The following GCN1 variants were observed in gnomAD, a reference collection of about 807,000 sequenced individuals.
GCN1 encodes GCN1 activator of EIF2AK4.
A neutral mutation model predicts 288.4 loss-of-function variants in GCN1; 90 were observed. The ratio of observed to expected loss-of-function variants is 0.31; its 90% CI spans 0.26 to 0.37. GCN1 has a LOEUF of 0.37. Among genes scored for constraint, GCN1 ranks in the 10% least tolerant of loss-of-function variants. The probability of loss-of-function intolerance (pLI) is 1.00; values close to 1 mark genes in which losing one functional copy is unlikely to be tolerated. For missense variants in GCN1, 2,586 were observed against 3,419.9 expected (o/e 0.76, Z 6.08); for synonymous variants, 1,386 against 1,420.2 (o/e 0.98, Z 0.54).
rs1721556687 is a variant in GCN1, at chr12:120,134,159, G to C, written c.7317+132C>G. On this transcript the variant is annotated intron_variant, in intron 53 of 57. Transcript: ENST00000300648. The surrounding 1 kb of genome is among the most constrained non-coding windows in gnomAD (Gnocchi z 5.0). ...AGGAAATGTTGGTGAAGCATACAGGGTGATAGAAATGTCAGGAATGCTTAT... is the reference window on the plus strand; with the variant it reads ...AGGAAATGTTGGTGAAGCATACAGGCTGATAGAAATGTCAGGAATGCTTAT... 1.6e-6 allele frequency: 1 copy of C among 638,542 alleles called. No individual in the cohort carries two copies. The highest frequency in any genetic ancestry group is 1.8e-5 in the African/African-American group (1 of 55,458). 39.6% of individuals were successfully genotyped at this position (638,542 alleles called of 1,614,324 possible). A position where few individuals can be genotyped will look rare whatever the true frequency, so the allele number is the denominator to read the frequency against.
At position 120,178,899 on chromosome 12, in the gene GCN1, G is replaced by T. The variant is rs779134603; in HGVS notation, c.478C>A (p.His160Asn). ...TTCTTCACAGCACCATCCACGGCGT[G>T]CTTGTGGGAGCCACCCAGCACCTCC... ...LLEVLGGSHK[H>N]AVDGAVKKLT... Residue 160 changes from histidine to asparagine, a missense_variant, in exon 6 of 58, where the codon CAC becomes AAC. By Grantham distance (68) the His-to-Asn change is moderately conservative. Coordinates refer to ENST00000300648, the MANE Select transcript of GCN1 (RefSeq NM_006836.2). 1.2e-6 allele frequency: 2 copies of T among 1,614,074 alleles called. No homozygotes were observed. The highest frequency in any genetic ancestry group is 2.2e-5 in the South Asian group (2 of 91,068).
Position 120,175,184 on chromosome 12 carries a change from G to C in GCN1, c.1071C>G (p.Ala357=). 6.2e-7 allele frequency: 1 copy of C among 1,611,082 alleles called. No homozygotes were observed. Among genetic ancestry groups the C allele is most frequent in the Non-Finnish European group, 8.5e-7 (1 of 1,178,328 alleles). ...GGSEGKLTVV[A]QKMSVLSGIG... is the part of the protein sequence containing the mutation. ...TACCTGAGAGGACGCTCATCTTCTG[G>C]GCTACAACAGTTAGTTTTCCTTCCG... The change falls in exon 12 of 58, where the codon GCC becomes GCG. Residue 357 remains alanine, a synonymous_variant. Coordinates refer to ENST00000300648, the MANE Select transcript of GCN1 (RefSeq NM_006836.2).
Position 120,142,981 on chromosome 12 carries a change from G to T in GCN1, c.5496-40C>A. 1 of 1,245,426 alleles carries T rather than the reference G, an allele frequency of 8.0e-7. No homozygotes were observed. Among genetic ancestry groups the T allele is most frequent in the Non-Finnish European group, 1.2e-6 (1 of 843,908 alleles). 77.1% of individuals were successfully genotyped at this position (1,245,426 alleles called of 1,614,324 possible). A position where few individuals can be genotyped will look rare whatever the true frequency, so the allele number is the denominator to read the frequency against. On this transcript the variant is annotated intron_variant, in intron 42 of 57. Transcript: ENST00000300648. The surrounding 1 kb of genome is among the most constrained non-coding windows in gnomAD (Gnocchi z 4.9). ...AACAACACAGTCACACAGCTGCAAG[G>T]AGTGGGCTCGGCACAACTGAGCACT...
intron 35 of GCN1, 24 bp downstream of exon 35, chr12:120,149,898 C>T (rs1018043534): frequency 6.2e-7 from 1 of 1,613,790 alleles, no homozygotes; most frequent in African/African-American, 1.3e-5. Flanking sequence ...CCATGCTGTT[C>T]TCCCGAGCAG....
intron 37 of GCN1, among the ~76,000 whole-genome samples, chr12:120,147,611 G>A (rs757803848): frequency 6.6e-6 from 1 of 152,210 alleles, no homozygotes; most frequent in African/African-American, 2.4e-5. Context: ...CTCCCACTAT[G>A]ATATAATGTA....
In GCN1 at chr12:120,162,241, CCT is replaced by C. The variant is rs1308053888; in HGVS notation, c.2164-185_2164-184del. On this transcript the variant is annotated intron_variant, in intron 20 of 57. Transcript: ENST00000300648. ...TCTGCTTTCCTCACCAAGCAGTGCT[CCT>C]CTGTCTGACACAGCACCTGACGTGA... 1.3e-5 allele frequency: 8 copies of C among 598,878 alleles called. No individual in the cohort carries two copies. In the Admixed American group the frequency reaches 2.0e-4, roughly 15 times the overall value. 37.1% of individuals were successfully genotyped at this position (598,878 alleles called of 1,614,324 possible).
intron 33 of GCN1, among the ~76,000 whole-genome samples, chr12:120,152,512 C>T (rs1257408968): frequency 1.6e-5 from 2 of 128,074 alleles, no homozygotes; most frequent in Non-Finnish European, 3.1e-5. Context: ...TTAGAGGCTA[C>T]ATTAAAACGC....
chr12:120,136,603 C>A lies in GCN1; in HGVS notation c.6907G>T (p.Val2303Leu). 6.2e-7 allele frequency: 1 copy of A among 1,614,204 alleles called. No homozygotes were observed. The highest frequency in any genetic ancestry group is 1.1e-5 in the South Asian group (1 of 91,088). Reference sequence around the variant, plus strand: ...ATCAGAGGGCCAGTGATGCTGACCACGGAGGGCCTCAGGGCGTCAGCCGAG... The same window carrying A: ...ATCAGAGGGCCAGTGATGCTGACCAAGGAGGGCCTCAGGGCGTCAGCCGAG... ...LTSADALRPS[V>L]VSITGPLIRI... Residue 2303 changes from valine to leucine, a missense_variant, in exon 51 of 58, where the codon GTG (valine) becomes TTG (leucine). Coordinates refer to ENST00000300648, the MANE Select transcript of GCN1 (RefSeq NM_006836.2).
chr12:120,190,317 C>A lies in GCN1; in HGVS notation c.102G>T (p.Gly34=). 6.3e-7 allele frequency: 1 copy of A among 1,579,334 alleles called. No homozygotes were observed. The highest frequency in any genetic ancestry group is 8.7e-7 in the Non-Finnish European group (1 of 1,148,484). The change falls in exon 2 of 58, where the codon GGG becomes GGT. Residue 34 remains glycine, a synonymous_variant. Coordinates refer to ENST00000300648, the MANE Select transcript of GCN1 (RefSeq NM_006836.2). The part of the protein sequence containing the change: ...KERREILSEL[G]KCVAGKDLPE... ...AAATACCTTTTCCAGCAACACACTTCCCAAGTTCACTGAGGATTTCTCTCC... is the reference window on the plus strand; with the variant it reads ...AAATACCTTTTCCAGCAACACACTTACCAAGTTCACTGAGGATTTCTCTCC...
At chr12:120,152,667 T>TAC in intron 33 of GCN1, among the ~76,000 whole-genome samples, 1 of 138,876 alleles carries the variant, frequency 7.2e-6, no homozygotes, top group African/African-American at 2.7e-5. Flanking sequence ...ACAAAATATA[T>TAC]ATATATAAAT....
At chr12:120,149,751 C>T (rs1877479318) in intron 35 of GCN1, 31 bp from the exon 36 acceptor site, 5 of 1,582,518 alleles carry the variant, frequency 3.2e-6, no homozygotes, top group Non-Finnish European at 4.3e-6. Flanking sequence ...ATTCAGGGGC[C>T]TCCTCACCCA....
rs779360549 is a variant in GCN1, at chr12:120,155,314, G to A, written c.3557C>T (p.Ala1186Val). 7 of 1,614,204 alleles carry A rather than the reference G, an allele frequency of 4.3e-6. No individual in the cohort carries two copies. The highest frequency in any genetic ancestry group is 1.1e-5 in the South Asian group (1 of 91,082). Residue 1186 changes from alanine to valine, a missense_variant, in exon 30 of 58, where the codon GCA (alanine) becomes GTA (valine). Transcript: ENST00000300648. This position sits in a 1 kb window ranked among gnomAD's most constrained non-coding sequence, Gnocchi z 4.9. Reference protein sequence around the residue: ...RQAGAEALSQAVARYQRQAAE... With the variant: ...RQAGAEALSQVVARYQRQAAE... ...CGCCTGCCGCTGGTAACGTGCCACT[G>A]CTTGGGAGAGGGCTTCGGCCCCTGC... is the stretch of plus-strand genomic sequence containing the variant.
intron 37 of GCN1, among the ~76,000 whole-genome samples, chr12:120,147,911 C>T (rs1294087106): frequency 1.3e-5 from 2 of 152,174 alleles, no homozygotes; most frequent in African/African-American, 4.8e-5. Context: ...TTCACAGGTC[C>T]TAACATTTTG....
chr12:120,159,831 C>G lies in GCN1; in HGVS notation c.2743G>C (p.Ala915Pro). The G allele has an allele frequency of 6.2e-7, 1 of 1,614,058 alleles. No homozygotes were observed. The highest frequency in any genetic ancestry group is 2.2e-5 in the East Asian group (1 of 44,880). Residue 915 changes from alanine (A) to proline (P), a missense_variant, in exon 24 of 58, where the codon GCT becomes CCT. Physicochemically the swap from Ala to Pro is conservative, Grantham distance 27 (BLOSUM62 -1). Transcript: ENST00000300648. Reference protein sequence around the residue: ...AACVMPSRLKALGTLVSHVTL... With the variant: ...AACVMPSRLKPLGTLVSHVTL... ...CCAGCAAACAAGGACTAACCCAAAG[C>G]CTTGAGCCTAGAGGGCATGACACAG...
intron 14 of GCN1, among the ~76,000 whole-genome samples, chr12:120,173,237 A>T (rs1367511074): frequency 6.6e-6 from 1 of 151,924 alleles, no homozygotes. Context: ...TTGTATTTTT[A>T]GTAGAGACAG....
intron 33 of GCN1, among the ~76,000 whole-genome samples, chr12:120,151,921 G>T (rs535516901): frequency 1.3e-5 from 2 of 152,212 alleles, no homozygotes; most frequent in Non-Finnish European, 2.9e-5. Context: ...ATGCTGGCAG[G>T]TGCCCAGGTG....
Position 120,177,733 on chromosome 12 carries a change from T to C in GCN1, c.680A>G (p.Tyr227Cys). Residue 227 changes from tyrosine to cysteine, a missense_variant, in exon 8 of 58, where the codon TAC becomes TGC. This residue lies in a region of GCN1 where 913 missense variants were observed against 1,107.0 expected (regional missense o/e 0.82). Transcript: ENST00000300648. ...TTTGCTCATCAGGATGTTCTTCATG[T>C]AAAAGTCCAGTAGGGCGCTCTAGAG... ...SQHKSALLDFYMKNILMSKVK... is the reference protein window; with the variant it reads ...SQHKSALLDFCMKNILMSKVK... The C allele has an allele frequency of 6.2e-7, 1 of 1,613,158 alleles. No homozygotes were observed. Among genetic ancestry groups the C allele is most frequent in the Non-Finnish European group, 8.5e-7 (1 of 1,179,118 alleles).
At chr12:120,189,580 G>C (rs1878938997) in intron 2 of GCN1, among the ~76,000 whole-genome samples, 1 of 151,464 alleles carries the variant, frequency 6.6e-6, no homozygotes, top group Non-Finnish European at 1.5e-5. Flanking sequence ...TGTTGGCCAG[G>C]ATGGTCTCAA....
rs1239598187 is a variant in GCN1, at chr12:120,142,035, T to C, written c.5829+472A>G. ...TTAGTGCACAGGAGATGCTAATAAATATTTGCAGAGGCCAGGCGTGGTGGC... is the reference window on the plus strand; with the variant it reads ...TTAGTGCACAGGAGATGCTAATAAACATTTGCAGAGGCCAGGCGTGGTGGC... On this transcript the variant is annotated intron_variant, in intron 44 of 57. Coordinates refer to ENST00000300648, the MANE Select transcript of GCN1 (RefSeq NM_006836.2). The surrounding 1 kb of genome is among the most constrained non-coding windows in gnomAD (Gnocchi z 4.9). 6.6e-6 allele frequency among the ~76,000 whole-genome samples: 1 copy of C among 152,132 alleles called. No homozygotes were observed. The highest frequency in any genetic ancestry group is 1.5e-5 in the Non-Finnish European group (1 of 68,036).
Sources: allele counts gnomAD v4.1 joint callset (sites outside exome capture counted in the v4.1 genomes callset), GRCh38; gene constraint gnomAD v4.1.1; regional missense constraint gnomAD v4.1.1; non-coding constraint Gnocchi (gnomAD v3.1); transcripts MANE v1.5; gene names NCBI Gene and HGNC (gene_info 2026-07-23, HGNC 2026-07-21).